CARMIL1: variants seen among roughly 807,000 people sequenced by gnomAD.
CARMIL1 encodes the protein F-actin-uncapping protein LRRC16A.
In CARMIL1, 90 loss-of-function variants were observed where a neutral mutation model predicts 177.1. The observed-to-expected ratio is 0.51, with a 90% CI of 0.43 to 0.61. The LOEUF (loss-of-function observed/expected upper bound fraction) is 0.61. Among genes scored for constraint, CARMIL1 ranks in the 20% least tolerant of loss-of-function variants. The pLI, the probability that CARMIL1 is intolerant of heterozygous loss-of-function variation, is 0.00. For synonymous variants in CARMIL1, 577 were observed against 606.2 expected, an observed-to-expected ratio of 0.95 and a Z score of 0.71; for missense variants, 1,380 against 1,667.0, an observed-to-expected ratio of 0.83 and a Z score of 3.00.
chr6:25,288,117 C>G (rs1331059985), intron 2 of CARMIL1, among the ~76,000 whole-genome samples: 1 of 152,160 alleles, frequency 6.6e-6, no homozygotes, highest in Non-Finnish European at 1.5e-5. Flanking sequence ...TCAGGGAAGA[C>G]TTCAGAAGGA....
intron 5 of CARMIL1, among the ~76,000 whole-genome samples, chr6:25,440,980 T>TAATC (rs891642870): frequency 3.4e-4 from 52 of 152,082 alleles, no homozygotes; most frequent in African/African-American, 1.2e-3. Context: ...TCAGTTTGGG[T>TAATC]AATCAGTTCT....
At chr6:25,336,766 A>G (rs1438234481) in intron 2 of CARMIL1, among the ~76,000 whole-genome samples, 1 of 152,204 alleles carries the variant, frequency 6.6e-6, no homozygotes, top group Non-Finnish European at 1.5e-5. Flanking sequence ...ATGAAACAAA[A>G]AAGTCAGGAA....
intron 26 of CARMIL1, among the ~76,000 whole-genome samples, chr6:25,544,632 CACACACACACACA>C (rs1562270728): frequency 6.6e-6 from 1 of 151,676 alleles, no homozygotes; most frequent in African/African-American, 2.4e-5. Context: ...CACACACACA[CACACACACACACA>C]CCCCAAACAC....
chr6:25,435,660 G>T, intron 5 of CARMIL1, 56 bp downstream of exon 5: 1 of 1,507,372 alleles, frequency 6.6e-7, no homozygotes, highest in Non-Finnish European at 8.9e-7. Context: ...CCTCAAAACG[G>T]CAAATACAAC....
rs1812678420 is a variant in CARMIL1, at chr6:25,577,245, G to C, written c.2743-3679G>C. Reference sequence around the variant, plus strand: ...TGAAAGCAAGCAGAGTGTTGATGAAGAGGATACAAACATTCAAGAGGAGAC... The same window carrying C: ...TGAAAGCAAGCAGAGTGTTGATGAACAGGATACAAACATTCAAGAGGAGAC... On this transcript the variant is annotated intron_variant, in intron 29 of 36. Transcript: ENST00000329474. The surrounding 1 kb of genome is among the most constrained non-coding windows in gnomAD (Gnocchi z 4.5). 1.1e-5 allele frequency: 4 copies of C among 380,638 alleles called. No homozygotes were observed. In the South Asian group the frequency reaches 4.3e-4, roughly 41 times the overall value. The allele number at this position is 380,638 out of a possible 1,614,324, so 23.6% of individuals were successfully genotyped here.
chr6:25,545,386 T>C (rs1809351649), intron 26 of CARMIL1, among the ~76,000 whole-genome samples: 2 of 148,948 alleles, frequency 1.3e-5, no homozygotes, highest in African/African-American at 5.0e-5. Context: ...TCCAGAAATA[T>C]GTAAGAATTT....
chr6:25,318,020 G>A (rs952596614), intron 2 of CARMIL1, among the ~76,000 whole-genome samples: 2 of 152,090 alleles, frequency 1.3e-5, no homozygotes, highest in Non-Finnish European at 2.9e-5. Flanking sequence ...TATTCAATTT[G>A]TTTCTGTTTT....
intron 31 of CARMIL1, among the ~76,000 whole-genome samples, chr6:25,582,845 C>T (rs1813255333): frequency 6.6e-6 from 1 of 152,224 alleles, no homozygotes. Flanking sequence ...TTAGGACTTA[C>T]CTTTGTGTTA....
chr6:25,516,870 A>G (rs1806054390), intron 21 of CARMIL1, among the ~76,000 whole-genome samples: 2 of 152,216 alleles, frequency 1.3e-5, no homozygotes, highest in Admixed American at 1.3e-4. Flanking sequence ...AACACAAGGA[A>G]CTATGACAGA....
At chr6:25,420,008 T>C in intron 2 of CARMIL1, 106 bp from the exon 3 acceptor site, 2 of 820,530 alleles carry the variant, frequency 2.4e-6, no homozygotes, top group Non-Finnish European at 4.3e-6. Context: ...AGCCAAGCCA[T>C]GTGGCCTTCT....
At chr6:25,529,234 C>T (rs1380642206) in intron 24 of CARMIL1, among the ~76,000 whole-genome samples, 1 of 151,980 alleles carries the variant, frequency 6.6e-6, no homozygotes, top group Admixed American at 6.5e-5. Flanking sequence ...TTCCTTCACA[C>T]TTCCATGGGT....
At chr6:25,422,899 C>T (rs939399899) in intron 3 of CARMIL1, among the ~76,000 whole-genome samples, 8 of 152,192 alleles carry the variant, frequency 5.3e-5, no homozygotes, top group Admixed American at 2.6e-4. Context: ...GGCTTGGCTC[C>T]GTCCTGTGAT....
In CARMIL1 at chr6:25,465,071, C is replaced by CAAAAA. The variant is rs558022196; in HGVS notation, c.615-785_615-781dup. ...ATGCAGTCACTGCTAAGAACTAAAG[C>CAAAAA]AAAAAAAAAAAAAAAAAAAAAGACC... On this transcript the variant is annotated intron_variant, in intron 8 of 36. Transcript: ENST00000329474. Among the ~76,000 whole-genome samples, 594 of 61,930 alleles carry CAAAAA rather than the reference C, an allele frequency of 9.6e-3. 6 individuals carry two copies. Among genetic ancestry groups the CAAAAA allele is most frequent in the African/African-American group, 0.03 (534 of 17,938 alleles). The allele number at this position is 61,930 out of a possible 152,430, so 40.6% of individuals were successfully genotyped here.
At chr6:25,329,686 C>T (rs1320339549) in intron 2 of CARMIL1, among the ~76,000 whole-genome samples, 1 of 152,152 alleles carries the variant, frequency 6.6e-6, no homozygotes, top group Non-Finnish European at 1.5e-5. Context: ...TTCTGATTAC[C>T]TCATCAGTGA....
chr6:25,293,265 G>GGTGTGTGTGTGTGTGTGTGTGTGTGT, intron 2 of CARMIL1, among the ~76,000 whole-genome samples: 1 of 134,388 alleles, frequency 7.4e-6, no homozygotes, highest in Admixed American at 7.6e-5. Flanking sequence ...AAGGATGCTT[G>GGTGTGTGTGTGTGTGTGTGTGTGTGT]GTGTGTGTGT....
chr6:25,559,916 T>C (rs1810958799), intron 29 of CARMIL1, among the ~76,000 whole-genome samples: 1 of 152,202 alleles, frequency 6.6e-6, no homozygotes, highest in African/African-American at 2.4e-5. Context: ...CTTAAGTCTC[T>C]TTAAAAAACC....
At chr6:25,439,488 A>G (rs1797534773) in intron 5 of CARMIL1, among the ~76,000 whole-genome samples, 1 of 152,236 alleles carries the variant, frequency 6.6e-6, no homozygotes, top group Non-Finnish European at 1.5e-5. Context: ...AGGAAGAGCC[A>G]CAAATGGAGT....
intron 36 of CARMIL1, among the ~76,000 whole-genome samples, chr6:25,616,453 AG>A (rs1816897151): frequency 6.6e-6 from 1 of 152,104 alleles, no homozygotes; most frequent in Admixed American, 6.6e-5. Context: ...GTGCACCTGT[AG>A]TGTCTGCTAC....
intron 2 of CARMIL1, among the ~76,000 whole-genome samples, chr6:25,408,741 G>A (rs539615110): frequency 3.3e-5 from 5 of 152,002 alleles, no homozygotes; most frequent in African/African-American, 1.2e-4. Context: ...TGTATAGAAA[G>A]TGTGAGGTGG....
Sources: gnomAD v4.1 joint callset for allele counts (sites outside exome capture counted in the v4.1 genomes callset) on GRCh38, gnomAD v4.1.1 for gene constraint, Gnocchi (gnomAD v3.1) non-coding constraint, MANE v1.5 for transcripts, NCBI Gene and HGNC (gene_info 2026-07-23, HGNC 2026-07-21) for gene names.